The following ZYG11B variants were observed in gnomAD, a reference collection of about 807,000 sequenced individuals.
ZYG11B encodes protein zyg-11 homolog B.
In ZYG11B, 36 loss-of-function variants were observed where a neutral mutation model predicts 82.4. That is an observed-to-expected ratio of 0.44 (90% CI 0.33 to 0.58). The LOEUF (loss-of-function observed/expected upper bound fraction) is 0.58. Among genes scored for constraint, ZYG11B ranks in the 20% least tolerant of loss-of-function variants. ZYG11B has a pLI of 0.02. For synonymous variants in ZYG11B, 303 were observed against 312.8 expected, an observed-to-expected ratio of 0.97 and a Z score of 0.33; for missense variants, 552 against 895.6, an observed-to-expected ratio of 0.62 and a Z score of 4.90.
chr1:52,817,761 GTGTGTATATATA>G (rs1299203524), intron 13 of ZYG11B, among the ~76,000 whole-genome samples: 12 of 91,950 alleles, frequency 1.3e-4, no homozygotes, highest in African/African-American at 4.9e-4. Flanking sequence ...TAATAGTAAA[GTGTGTATATATA>G]TGTGTATATA....
intron 12 of ZYG11B, among the ~76,000 whole-genome samples, chr1:52,815,012 G>T (rs552564113): frequency 1.3e-5 from 2 of 152,220 alleles, no homozygotes; most frequent in South Asian, 2.1e-4. Context: ...AACAAAGTTA[G>T]TGGGGCATGG....
intron 3 of ZYG11B, chr1:52,772,240 G>C: frequency 1.5e-6 from 2 of 1,352,966 alleles, no homozygotes; most frequent in South Asian, 2.3e-5. Flanking sequence ...TTTCCAACTG[G>C]GAGGGAGGAC....
intron 3 of ZYG11B, among the ~76,000 whole-genome samples, chr1:52,773,118 G>A (rs1644769741): frequency 6.6e-6 from 1 of 152,144 alleles, no homozygotes; most frequent in Non-Finnish European, 1.5e-5. Context: ...GATTTCTCAT[G>A]CCTAATGGTT....
chr1:52,785,826 A>G (rs1558133393), intron 5 of ZYG11B, among the ~76,000 whole-genome samples: 1 of 152,182 alleles, frequency 6.6e-6, no homozygotes, highest in African/African-American at 2.4e-5. Context: ...CTCAAAACCA[A>G]GTAAAAATGG....
intron 1 of ZYG11B, chr1:52,754,554 GTA>G (rs900695708): frequency 2.6e-5 from 4 of 151,954 alleles, no homozygotes; most frequent in African/African-American, 9.7e-5. Flanking sequence ...GGTAATTTTT[GTA>G]TTTTTTGTAG....
At chr1:52,757,998 G>A (rs147589519) in intron 2 of ZYG11B, among the ~76,000 whole-genome samples, 3,985 of 151,846 alleles carry the variant, frequency 0.026, 136 homozygotes, top group East Asian at 0.17. Flanking sequence ...TCAGGAGTTC[G>A]AGACCAGCCT....
intron 2 of ZYG11B, among the ~76,000 whole-genome samples, chr1:52,758,253 A>G (rs1164501404): frequency 6.6e-6 from 1 of 151,968 alleles, no homozygotes; most frequent in Non-Finnish European, 1.5e-5. Flanking sequence ...TGATAAACTC[A>G]TAAGTATGGA....
At chr1:52,808,057 T>A (rs1645155231) in intron 10 of ZYG11B, among the ~76,000 whole-genome samples, 1 of 152,212 alleles carries the variant, frequency 6.6e-6, no homozygotes, top group Non-Finnish European at 1.5e-5. Flanking sequence ...TTCCTCTGGC[T>A]ACTTTTAAGA....
chr1:52,736,412 AC>A (rs1644378864), intron 1 of ZYG11B, among the ~76,000 whole-genome samples: 1 of 151,772 alleles, frequency 6.6e-6, no homozygotes, highest in African/African-American at 2.4e-5. Flanking sequence ...CCTGAGTATC[AC>A]AGGCATGCAC....
At chr1:52,794,216 C>T (rs1345202229) in intron 6 of ZYG11B, among the ~76,000 whole-genome samples, 2 of 152,140 alleles carry the variant, frequency 1.3e-5, no homozygotes, top group Middle Eastern at 3.4e-3. Context: ...CCTTGTGATC[C>T]GCCCACCTCG....
chr1:52,814,367 C>T (rs1645207064), intron 12 of ZYG11B, among the ~76,000 whole-genome samples: 1 of 152,174 alleles, frequency 6.6e-6, no homozygotes, highest in Non-Finnish European at 1.5e-5. Context: ...CTTTTTTCTA[C>T]CACCTATCAC....
At chr1:52,740,622 G>A (rs1435840649) in intron 1 of ZYG11B, among the ~76,000 whole-genome samples, 2 of 146,244 alleles carry the variant, frequency 1.4e-5, no homozygotes, top group African/African-American at 5.1e-5. Flanking sequence ...GGGTGCAAGT[G>A]GCACCATCTC....
chr1:52,751,708 A>G (rs1385685620), intron 1 of ZYG11B, among the ~76,000 whole-genome samples: 1 of 152,116 alleles, frequency 6.6e-6, no homozygotes, highest in African/African-American at 2.4e-5. Context: ...AACCCCTTGG[A>G]AGCTCTGAAG....
In ZYG11B at chr1:52,771,316, C is replaced by T; in HGVS notation, c.493C>T (p.Arg165Ter). The T allele has an allele frequency of 3.7e-6, 6 of 1,614,202 alleles. No homozygotes were observed. The highest frequency in any genetic ancestry group is 5.1e-6 in the Non-Finnish European group (6 of 1,180,040). ...ERCFSRLSGL[R>*]ALSITNVLFY... is the part of the protein sequence containing the mutation. Reference sequence around the variant, plus strand: ...CTGCTTCAGCCGGCTTTCTGGCCTTCGAGCTTTAAGCATCACGAATGTTCT... The same window carrying T: ...CTGCTTCAGCCGGCTTTCTGGCCTTTGAGCTTTAAGCATCACGAATGTTCT... Residue 165 changes from arginine (R) to a stop codon, truncating the protein, a stop_gained, in exon 3 of 14, where the codon CGA becomes TGA. Transcript: ENST00000294353. LOFTEE classifies it high-confidence loss of function. This position sits in a 1 kb window ranked among gnomAD's most constrained non-coding sequence, Gnocchi z 5.4.
At chr1:52,742,610 A>AGGCGGG (rs1048515145) in intron 1 of ZYG11B, among the ~76,000 whole-genome samples, 5 of 152,206 alleles carry the variant, frequency 3.3e-5, no homozygotes, top group Admixed American at 6.5e-5. Context: ...TCGGAGGCGG[A>AGGCGGG]GGCGGGCGGA....
intron 10 of ZYG11B, among the ~76,000 whole-genome samples, chr1:52,810,119 A>G (rs1645170800): frequency 6.6e-6 from 1 of 152,082 alleles, no homozygotes; most frequent in Admixed American, 6.6e-5. Context: ...TTTATGATTT[A>G]TTAGGAGGTT....
At chr1:52,736,405 G>C (rs12047333) in intron 1 of ZYG11B, among the ~76,000 whole-genome samples, 11,018 of 152,062 alleles carry the variant, frequency 0.072, 857 homozygotes, top group East Asian at 0.35. Context: ...TCAGCCTCCT[G>C]AGTATCACAG....
chr1:52,774,609 A>ATTTTTTTTTTTTTTT (rs35043109), intron 3 of ZYG11B, among the ~76,000 whole-genome samples: 2 of 111,144 alleles, frequency 1.8e-5, no homozygotes, highest in African/African-American at 9.7e-5. Flanking sequence ...GCCTGGCCTA[A>ATTTTTTTTTTTTTTT]TTTTTTTTTT....
intron 2 of ZYG11B, among the ~76,000 whole-genome samples, chr1:52,766,308 A>T (rs1644689487): frequency 2.0e-5 from 3 of 151,324 alleles, no homozygotes; most frequent in African/African-American, 7.3e-5. Flanking sequence ...TTTAGTAGAG[A>T]TGGGGTTTCG....
Sources: allele counts gnomAD v4.1 joint callset (sites outside exome capture counted in the v4.1 genomes callset), GRCh38; gene constraint gnomAD v4.1.1; non-coding constraint Gnocchi (gnomAD v3.1); transcripts MANE v1.5; gene names NCBI Gene and HGNC (gene_info 2026-07-23, HGNC 2026-07-21).